CSMD1: variants seen among roughly 807,000 people sequenced by gnomAD.
CSMD1 encodes the protein CUB and Sushi multiple domains 1, also known as CUB and sushi domain-containing protein 1.
Under a neutral mutation model 417.5 loss-of-function variants are expected in CSMD1, and 213 were observed. The observed-to-expected ratio is 0.51, with a 90% confidence interval of 0.46 to 0.57. CSMD1 has a LOEUF of 0.57. Ranked by LOEUF, CSMD1 falls within the 20% of genes least tolerant of loss-of-function variation. The pLI, the probability that CSMD1 is intolerant of heterozygous loss-of-function variation, is 0.00. For missense variants in CSMD1, 6,923 were observed against 4,529.7 expected, an observed-to-expected ratio of 1.53 and a Z score of -15.17; for synonymous variants, 2,862 against 1,736.8, an observed-to-expected ratio of 1.65 and a Z score of -16.11.
intron 3 of CSMD1, among the ~76,000 whole-genome samples, chr8:4,417,507 G>C (rs542829312): frequency 1.3e-5 from 2 of 152,000 alleles, no homozygotes; most frequent in East Asian, 3.9e-4. Flanking sequence ...ACAATTCCAT[G>C]TTTTAGTTAA....
intron 19 of CSMD1, 117 bp downstream of exon 19, chr8:3,369,134 AACT>A: frequency 1.8e-6 from 1 of 559,874 alleles, no homozygotes. Context: ...TAAAATCTTG[AACT>A]ATACATGAGA....
intron 1 of CSMD1, among the ~76,000 whole-genome samples, chr8:4,781,585 A>T (rs1325121600): frequency 1.3e-5 from 2 of 152,216 alleles, no homozygotes; most frequent in Admixed American, 6.5e-5. Context: ...ATTAGATCTT[A>T]TTTCAAATCT....
At chr8:3,158,398 G>A (rs1191180501) in intron 38 of CSMD1, among the ~76,000 whole-genome samples, 2 of 152,054 alleles carry the variant, frequency 1.3e-5, no homozygotes, top group African/African-American at 4.8e-5. Context: ...CTTATGGAGA[G>A]GTAGCTTCGG....
At chr8:4,012,813 C>G (rs1796336863) in intron 4 of CSMD1, among the ~76,000 whole-genome samples, 2 of 152,150 alleles carry the variant, frequency 1.3e-5, no homozygotes, top group South Asian at 2.1e-4. Context: ...TAAACGGTAA[C>G]TCCATTCTTC....
At chr8:3,418,053 A>C (rs1424769277) in intron 12 of CSMD1, among the ~76,000 whole-genome samples, 1 of 152,164 alleles carries the variant, frequency 6.6e-6, no homozygotes, top group African/African-American at 2.4e-5. Flanking sequence ...GATCGTGCTT[A>C]ATTATGGTGC....
At chr8:4,332,248 C>A (rs936582868) in intron 3 of CSMD1, among the ~76,000 whole-genome samples, 1 of 152,074 alleles carries the variant, frequency 6.6e-6, no homozygotes, top group Non-Finnish European at 1.5e-5. Flanking sequence ...CCATTGCCAC[C>A]ACATCTTAAT....
At chr8:4,899,109 A>G (rs1804694446) in intron 1 of CSMD1, among the ~76,000 whole-genome samples, 1 of 152,196 alleles carries the variant, frequency 6.6e-6, no homozygotes, top group South Asian at 2.1e-4. Flanking sequence ...ATAAATCTGA[A>G]ATGGTAATTT....
intron 5 of CSMD1, among the ~76,000 whole-genome samples, chr8:3,785,910 G>T (rs150726017): frequency 6.6e-6 from 1 of 152,348 alleles, no homozygotes; most frequent in East Asian, 1.9e-4. Context: ...AGATTTCTCT[G>T]TACACCATTC....
At chr8:4,370,051 ATGTGCTTCAG>A (rs1179676195) in intron 3 of CSMD1, among the ~76,000 whole-genome samples, 9 of 151,924 alleles carry the variant, frequency 5.9e-5, no homozygotes, top group African/African-American at 2.2e-4. Context: ...TCAATGAGGT[ATGTGCTTCAG>A]TGTGTTTTTC....
chr8:4,109,925 G>C (rs981164439), intron 3 of CSMD1, among the ~76,000 whole-genome samples: 3 of 152,100 alleles, frequency 2.0e-5, no homozygotes, highest in Non-Finnish European at 4.4e-5. Context: ...CACAGAAAAT[G>C]AAATAAGATC....
intron 17 of CSMD1, among the ~76,000 whole-genome samples, chr8:3,394,815 G>T: frequency 6.6e-6 from 1 of 152,174 alleles, no homozygotes; most frequent in South Asian, 2.1e-4. Context: ...TTCAAAATAC[G>T]TTACTTTGGA....
At chr8:4,161,874 G>C (rs112203591) in intron 3 of CSMD1, among the ~76,000 whole-genome samples, 4,048 of 152,164 alleles carry the variant, frequency 0.027, 188 homozygotes, top group African/African-American at 0.092. Flanking sequence ...AATTCTTTTA[G>C]ATTTTATAAT....
chr8:3,668,375 C>T lies in CSMD1; in HGVS notation c.1009+40039G>A, dbSNP rs116779136. Among the ~76,000 whole-genome samples, 396 of 152,200 alleles carry T rather than the reference C, an allele frequency of 2.6e-3. 1 individual carries two copies. Among genetic ancestry groups the T allele is most frequent in the African/African-American group, 9.2e-3 (380 of 41,510 alleles). On this transcript the variant is annotated intron_variant, in intron 7 of 69. Coordinates refer to ENST00000635120, the MANE Select transcript of CSMD1 (RefSeq NM_033225.6). ...GCATGACGGATGGAGTCCCCAGACC[C>T]AAATTCTGTTTTAAATATGTATTTT...
At position 3,502,257 on chromosome 8, in the gene CSMD1, C is replaced by T. The variant is rs543993708; in HGVS notation, c.1345-8531G>A. Among the ~76,000 whole-genome samples the T allele has an allele frequency of 5.4e-4, 78 of 145,542 alleles. 1 individual carries two copies. Among genetic ancestry groups the T allele is most frequent in the African/African-American group, 1.9e-3 (70 of 36,570 alleles). On this transcript the variant is annotated intron_variant, in intron 10 of 69. Coordinates refer to ENST00000635120, the MANE Select transcript of CSMD1 (RefSeq NM_033225.6). ...GTGGGCGCCTGTAGTCCCAGCTACTCGGGAGGCTGAGGCAGGAGACTGACG... is the reference window on the plus strand; with the variant it reads ...GTGGGCGCCTGTAGTCCCAGCTACTTGGGAGGCTGAGGCAGGAGACTGACG...
intron 7 of CSMD1, among the ~76,000 whole-genome samples, chr8:3,642,254 C>T (rs529429936): frequency 6.6e-6 from 1 of 151,886 alleles, no homozygotes; most frequent in Admixed American, 6.6e-5. Context: ...GTCACATACA[C>T]TCTTAAGGAC....
chr8:3,546,514 G>C (rs1798671381), intron 10 of CSMD1, among the ~76,000 whole-genome samples: 1 of 149,994 alleles, frequency 6.7e-6, no homozygotes, highest in Admixed American at 6.6e-5. Flanking sequence ...CCAGCCTGGT[G>C]ACAGAGTGAG....
chr8:3,667,153 T>C (rs770372084), intron 7 of CSMD1, among the ~76,000 whole-genome samples: 5 of 152,158 alleles, frequency 3.3e-5, no homozygotes, highest in African/African-American at 7.2e-5. Flanking sequence ...AGGGGGGCTG[T>C]TCTTATGGAG....
At chr8:4,741,797 A>G (rs893088941) in intron 1 of CSMD1, among the ~76,000 whole-genome samples, 1 of 152,064 alleles carries the variant, frequency 6.6e-6, no homozygotes, top group Non-Finnish European at 1.5e-5. Flanking sequence ...GCTTCTAAAC[A>G]GTGCCCTGGT....
At chr8:4,734,892 C>A (rs1409526284) in intron 1 of CSMD1, among the ~76,000 whole-genome samples, 1 of 152,168 alleles carries the variant, frequency 6.6e-6, no homozygotes, top group Admixed American at 6.5e-5. Flanking sequence ...CAGCAGCAGG[C>A]TGGCCACAGT....
Sources: allele counts gnomAD v4.1 joint callset (sites outside exome capture counted in the v4.1 genomes callset), GRCh38; gene constraint gnomAD v4.1.1; transcripts MANE v1.5; gene names NCBI Gene and HGNC (gene_info 2026-07-23, HGNC 2026-07-21).